Variants in FOXK1 observed in about 807,000 individuals in gnomAD.
FOXK1 encodes forkhead box K1.
FOXK1 carries 19 observed loss-of-function variants against 51.9 expected under a neutral mutation model. The observed-to-expected ratio is 0.37, with a 90% CI of 0.26 to 0.54. The LOEUF is 0.54. Ranked by LOEUF, FOXK1 falls within the 20% of genes least tolerant of loss-of-function variation. The pLI, the probability that FOXK1 is intolerant of heterozygous loss-of-function variation, is 0.87. For missense variants in FOXK1, 870 were observed against 1,032.7 expected (o/e 0.84, Z 2.16); for synonymous variants, 537 against 482.6 (o/e 1.11, Z -1.48).
intron 1 of FOXK1, among the ~76,000 whole-genome samples, chr7:4,705,830 C>T (rs1391776874): frequency 1.3e-5 from 2 of 151,112 alleles, no homozygotes; most frequent in African/African-American, 2.4e-5. Flanking sequence ...GCCACTGCCC[C>T]GGCCTTCACG....
intron 3 of FOXK1, 27 bp downstream of exon 3, chr7:4,754,642 C>A (rs1431455065): frequency 1.3e-6 from 2 of 1,593,882 alleles, no homozygotes; most frequent in African/African-American, 1.3e-5. Context: ...CGCCGTGGTG[C>A]ACCTGGTGAC....
Position 4,723,228 on chromosome 7 carries a change from ACG to A in FOXK1, c.561-17609_561-17608del, listed in dbSNP as rs375471199. ...ACACCCATGGCGGCTTGCACGTTGC[ACG>A]TCCCCCGGCTCAGCACCGAGCAAGT... On this transcript the variant is annotated intron_variant, in intron 1 of 8. Coordinates refer to ENST00000328914, the MANE Select transcript of FOXK1 (RefSeq NM_001037165.2). This position sits in a 1 kb window ranked among gnomAD's most constrained non-coding sequence, Gnocchi z 4.7. Among the ~76,000 whole-genome samples the A allele has an allele frequency of 2.0e-4, 30 of 152,056 alleles. No homozygotes were observed. The highest frequency in any genetic ancestry group is 7.0e-4 in the African/African-American group (29 of 41,492).
At chr7:4,754,880 G>A (rs1317751055) in intron 3 of FOXK1, 1 of 587,188 alleles carries the variant, frequency 1.7e-6, no homozygotes, top group East Asian at 2.9e-5. Context: ...TTCATCTGCC[G>A]CTGGCAGCCC....
At chr7:4,750,537 G>A (rs1320641225) in intron 2 of FOXK1, among the ~76,000 whole-genome samples, 7 of 151,684 alleles carry the variant, frequency 4.6e-5, no homozygotes, top group African/African-American at 1.7e-4. Context: ...CCGCCTCCCA[G>A]GTTCACGCCA....
At chr7:4,691,360 A>C (rs1343636305) in intron 1 of FOXK1, among the ~76,000 whole-genome samples, 1 of 152,188 alleles carries the variant, frequency 6.6e-6, no homozygotes, top group Non-Finnish European at 1.5e-5. Flanking sequence ...ACATACAGAG[A>C]GCCTCCCTCT....
chr7:4,710,536 C>G (rs748450666), intron 1 of FOXK1, among the ~76,000 whole-genome samples: 1 of 152,198 alleles, frequency 6.6e-6, no homozygotes, highest in African/African-American at 2.4e-5. Flanking sequence ...AATCGCGCCA[C>G]TGCACTCCAG....
chr7:4,689,577 TCTGA>T (rs1779867232), intron 1 of FOXK1, among the ~76,000 whole-genome samples: 1 of 152,206 alleles, frequency 6.6e-6, no homozygotes. Flanking sequence ...ATGTTACCTG[TCTGA>T]CCTGAAAAAT....
chr7:4,755,432 A>T lies in FOXK1; in HGVS notation c.1050+49A>T, dbSNP rs372778958. ...GATCGCCTCTGAAGGCCCTTAGAACATGGAACTCACAGGCATATTGCTTCC... is the reference window on the plus strand; with the variant it reads ...GATCGCCTCTGAAGGCCCTTAGAACTTGGAACTCACAGGCATATTGCTTCC... On this transcript the variant is annotated intron_variant, in intron 4 of 8. Coordinates refer to ENST00000328914, the MANE Select transcript of FOXK1 (RefSeq NM_001037165.2). This position sits in a 1 kb window ranked among gnomAD's most constrained non-coding sequence, Gnocchi z 6.6. The T allele has an allele frequency of 2.5e-6, 4 of 1,599,786 alleles. No homozygotes were observed. Among genetic ancestry groups the T allele is most frequent in the Non-Finnish European group, 8.5e-7 (1 of 1,171,362 alleles).
intron 1 of FOXK1, among the ~76,000 whole-genome samples, chr7:4,736,488 C>G (rs998632693): frequency 2.1e-4 from 32 of 151,318 alleles, no homozygotes; most frequent in African/African-American, 6.5e-4. Context: ...TCTCAGCTCA[C>G]TGACATGGCC....
intron 7 of FOXK1, 63 bp downstream of exon 7, chr7:4,759,658 C>T: frequency 6.7e-7 from 1 of 1,484,474 alleles, no homozygotes; most frequent in Non-Finnish European, 9.0e-7. Flanking sequence ...CCGGCAAGTC[C>T]CCAAGGCAGC....
chr7:4,739,576 C>T (rs1780604097), intron 1 of FOXK1, among the ~76,000 whole-genome samples: 1 of 152,336 alleles, frequency 6.6e-6, no homozygotes, highest in East Asian at 1.9e-4. Flanking sequence ...GTTCACAGCA[C>T]ACTGGTGTTG....
At chr7:4,693,340 A>T (rs903003147) in intron 1 of FOXK1, among the ~76,000 whole-genome samples, 2 of 152,234 alleles carry the variant, frequency 1.3e-5, no homozygotes, top group African/African-American at 4.8e-5. Context: ...AGCTGTTTTA[A>T]AAGTTGAGTG....
chr7:4,705,667 G>A (rs960513686), intron 1 of FOXK1, among the ~76,000 whole-genome samples: 3 of 151,554 alleles, frequency 2.0e-5, no homozygotes, highest in African/African-American at 7.3e-5. Flanking sequence ...CTCCCAAGCA[G>A]CTGGGACTAT....
intron 1 of FOXK1, among the ~76,000 whole-genome samples, chr7:4,721,882 C>T (rs1194386153): frequency 5.3e-5 from 8 of 152,326 alleles, no homozygotes; most frequent in South Asian, 4.1e-4. Flanking sequence ...TGAGCCACCA[C>T]GCCCGGCCTG....
intron 1 of FOXK1, among the ~76,000 whole-genome samples, chr7:4,724,353 G>A (rs902231042): frequency 5.3e-5 from 8 of 152,084 alleles, no homozygotes; most frequent in South Asian, 2.1e-4. Flanking sequence ...CCACCACCAC[G>A]CCCGGCTAAT....
At chr7:4,728,730 GAAAAAAAAAA>G (rs67143977) in intron 1 of FOXK1, among the ~76,000 whole-genome samples, 9 of 103,900 alleles carry the variant, frequency 8.7e-5, no homozygotes, top group Non-Finnish European at 1.7e-4. Context: ...GTCTCTTTTT[GAAAAAAAAAA>G]AAAAAAAAAA....
chr7:4,741,637 G>A (rs556136201), intron 2 of FOXK1, among the ~76,000 whole-genome samples: 1 of 152,312 alleles, frequency 6.6e-6, no homozygotes, highest in Non-Finnish European at 1.5e-5. Context: ...GGCTGAAAAT[G>A]TTTTAAAGTA....
In FOXK1 at chr7:4,767,355, C is replaced by T. The variant is rs1239520482; in HGVS notation, c.*4891C>T. 6.6e-6 allele frequency: 1 copy of T among 152,286 alleles called. No individual in the cohort carries two copies. The highest frequency in any genetic ancestry group is 2.4e-5 in the African/African-American group (1 of 41,466). The allele number at this position is 152,286 out of a possible 1,614,324, so 9.4% of individuals were successfully genotyped here. On this transcript the variant is annotated 3_prime_UTR_variant, in exon 9 of 9. Coordinates refer to ENST00000328914, the MANE Select transcript of FOXK1 (RefSeq NM_001037165.2). The surrounding 1 kb of genome is among the most constrained non-coding windows in gnomAD (Gnocchi z 6.6). ...GAACGCTGGATGGAGGCCTCCTCGGCCCTGCGGGCGGCCTGGCTGCGGTAG... is the reference window on the plus strand; with the variant it reads ...GAACGCTGGATGGAGGCCTCCTCGGTCCTGCGGGCGGCCTGGCTGCGGTAG...
intron 1 of FOXK1, among the ~76,000 whole-genome samples, chr7:4,738,301 G>T (rs997389585): frequency 1.9e-4 from 29 of 151,776 alleles, no homozygotes; most frequent in Admixed American, 1.8e-3. Flanking sequence ...GCCAGGCGTG[G>T]TGGTGCGTGC....
Sources: allele counts gnomAD v4.1 joint callset (sites outside exome capture counted in the v4.1 genomes callset), GRCh38; gene constraint gnomAD v4.1.1; non-coding constraint Gnocchi (gnomAD v3.1); transcripts MANE v1.5; gene names NCBI Gene and HGNC (gene_info 2026-07-23, HGNC 2026-07-21).